Variants in DCDC2 observed in about 807,000 individuals in gnomAD.
DCDC2 encodes the protein doublecortin domain-containing protein 2.
Under a neutral mutation model 50.2 loss-of-function variants are expected in DCDC2, and 40 were observed. That is an observed-to-expected ratio of 0.80 (90% CI 0.62 to 1.04). The LOEUF is 1.04. Among genes scored for constraint, DCDC2 ranks in the 50% least tolerant of loss-of-function variants. The pLI is 0.00. For missense variants in DCDC2, 570 were observed against 581.9 expected, an observed-to-expected ratio of 0.98 and a Z score of 0.21; for synonymous variants, 234 against 210.6, an observed-to-expected ratio of 1.11 and a Z score of -0.96.
chr6:24,358,805 A>ATTT (rs1183774468), upstream of DCDC2, among the ~76,000 whole-genome samples: 13 of 48,424 alleles, frequency 2.7e-4, 1 homozygote, highest in African/African-American at 9.0e-4. Flanking sequence ...TATTTTATAT[A>ATTT]TTATATATAA....
rs143215171 is a variant in DCDC2, at chr6:24,306,216, A to C, written c.349-4172T>G. 1.0e-3 allele frequency among the ~76,000 whole-genome samples: 156 copies of C among 152,186 alleles called. 1 individual carries two copies. Among genetic ancestry groups the C allele is most frequent in the African/African-American group, 3.6e-3 (149 of 41,522 alleles). The stretch of plus-strand genomic sequence containing the variant: ...ACTGACCAGCGTGTAATCTGTGACT[A>C]CGAAACCAATCAAATGGTAAGTTAT... On this transcript the variant is annotated intron_variant, in intron 2 of 9. Transcript: ENST00000378454.
At chr6:24,244,144 T>A (rs1178799620) in intron 7 of DCDC2, among the ~76,000 whole-genome samples, 1 of 152,176 alleles carries the variant, frequency 6.6e-6, no homozygotes, top group Non-Finnish European at 1.5e-5. Flanking sequence ...CAGAAAATTC[T>A]CAATCTAGAA....
rs1422463735 is a variant in DCDC2, at chr6:24,174,785, C to G, written c.1376G>C (p.Ser459Thr). 1 of 1,613,578 alleles carries G rather than the reference C, an allele frequency of 6.2e-7. No homozygotes were observed. Among genetic ancestry groups the G allele is most frequent in the Non-Finnish European group, 8.5e-7 (1 of 1,179,814 alleles). ...RPPRPEVKIT[S>T]PEENENNQQN... ...TTGGTTGTTTTCATTTTCTTCTGGA[C>G]TGGTAATTTTTACTTCTGGCCTTGG... Residue 459 changes from serine (S) to threonine (T), a missense_variant, in exon 10 of 10, where the codon AGT becomes ACT. Coordinates refer to ENST00000378454, the MANE Select transcript of DCDC2 (RefSeq NM_016356.5).
chr6:24,179,525 G>A, intron 8 of DCDC2, among the ~76,000 whole-genome samples: 1 of 123,672 alleles, frequency 8.1e-6, no homozygotes, highest in Non-Finnish European at 1.6e-5. Flanking sequence ...TCCAGCCTGG[G>A]TGACAGAGCA....
At chr6:24,275,866 A>ATTTTTTTTT (rs10685261) in intron 7 of DCDC2, among the ~76,000 whole-genome samples, 3 of 108,118 alleles carry the variant, frequency 2.8e-5, no homozygotes, top group South Asian at 3.4e-4. Flanking sequence ...CAATAATTCA[A>ATTTTTTTTT]TTTTTTTTTT....
rs111362460 is a variant in DCDC2 at position 24,182,595 on chromosome 6, A to G, written c.1024-3963T>C. ...TAGGGAAATACAAATTAAAACTGCA[A>G]TAAGATACTACCTAACACCCATTAT... On this transcript the variant is annotated intron_variant, in intron 8 of 9. Coordinates refer to ENST00000378454, the MANE Select transcript of DCDC2 (RefSeq NM_016356.5). Among the ~76,000 whole-genome samples, 658 of 145,844 alleles carry G rather than the reference A, an allele frequency of 4.5e-3. 1 individual carries two copies. Among genetic ancestry groups the G allele is most frequent in the African/African-American group, 0.011 (438 of 39,516 alleles).
chr6:24,270,138 C>A (rs919013352), intron 7 of DCDC2, among the ~76,000 whole-genome samples: 2 of 152,128 alleles, frequency 1.3e-5, no homozygotes, highest in Non-Finnish European at 2.9e-5. Flanking sequence ...TGTCCCTCCA[C>A]CTCCCCTTTC....
chr6:24,314,981 A>G (rs1055955840), intron 2 of DCDC2, among the ~76,000 whole-genome samples: 1 of 152,156 alleles, frequency 6.6e-6, no homozygotes, highest in African/African-American at 2.4e-5. Context: ...TAATAGGACT[A>G]AAACCTAAAT....
chr6:24,227,244 G>A (rs1200823157), intron 7 of DCDC2, among the ~76,000 whole-genome samples: 1 of 152,204 alleles, frequency 6.6e-6, no homozygotes, highest in Non-Finnish European at 1.5e-5. Flanking sequence ...TGAGATGCCA[G>A]TTTTGTGACT....
At chr6:24,318,855 C>T (rs548194432) in intron 2 of DCDC2, among the ~76,000 whole-genome samples, 28 of 151,614 alleles carry the variant, frequency 1.8e-4, no homozygotes, top group African/African-American at 6.6e-4. Flanking sequence ...TAGGTTGAGT[C>T]CATATCTCTG....
intron 7 of DCDC2, among the ~76,000 whole-genome samples, chr6:24,222,873 C>T (rs1762149027): frequency 6.6e-6 from 1 of 152,170 alleles, no homozygotes; most frequent in African/African-American, 2.4e-5. Context: ...ATTATTATTT[C>T]CAATCATATT....
chr6:24,308,367 G>T (rs1224556250), intron 2 of DCDC2, among the ~76,000 whole-genome samples: 1 of 152,148 alleles, frequency 6.6e-6, no homozygotes, highest in Non-Finnish European at 1.5e-5. Flanking sequence ...AACTAAAACG[G>T]CAGCCCAGCC....
intron 2 of DCDC2, among the ~76,000 whole-genome samples, chr6:24,321,539 CT>C (rs926625182): frequency 3.3e-5 from 5 of 152,086 alleles, no homozygotes; most frequent in African/African-American, 1.2e-4. Flanking sequence ...CCCTCCCTTC[CT>C]TTTTATCAGA....
At chr6:24,367,958 GT>G in the DCDC2 span, among the ~76,000 whole-genome samples, 3 of 151,968 alleles carry the variant, frequency 2.0e-5, no homozygotes, top group East Asian at 3.9e-4. Context: ...ATGACCAAAG[GT>G]TTTTTTAAAA....
At chr6:24,272,607 G>GA (rs1329020811) in intron 7 of DCDC2, among the ~76,000 whole-genome samples, 2 of 152,030 alleles carry the variant, frequency 1.3e-5, no homozygotes, top group Non-Finnish European at 2.9e-5. Flanking sequence ...ACAAGCATTT[G>GA]AAAAAATGCT....
intron 7 of DCDC2, among the ~76,000 whole-genome samples, chr6:24,216,410 C>T (rs78434561): frequency 0.026 from 4,029 of 152,226 alleles, 93 homozygotes; most frequent in African/African-American, 0.059. Flanking sequence ...TAAAGTGTCC[C>T]GCCATTTGGG....
At chr6:24,201,407 G>C (rs1761584900) in intron 8 of DCDC2, among the ~76,000 whole-genome samples, 1 of 152,052 alleles carries the variant, frequency 6.6e-6, no homozygotes, top group Non-Finnish European at 1.5e-5. Flanking sequence ...ATGACTACTG[G>C]TACATAACGA....
At chr6:24,350,112 G>C (rs1270265262) in intron 2 of DCDC2, among the ~76,000 whole-genome samples, 1 of 152,110 alleles carries the variant, frequency 6.6e-6, no homozygotes, top group Non-Finnish European at 1.5e-5. Context: ...AAGAGGAAGA[G>C]GAATAGCATT....
chr6:24,189,292 T>TGA (rs1761267006), intron 8 of DCDC2, among the ~76,000 whole-genome samples: 1 of 152,164 alleles, frequency 6.6e-6, no homozygotes, highest in African/African-American at 2.4e-5. Flanking sequence ...TTCTAGAGAA[T>TGA]ATGCATGCAG....
Sources: allele counts gnomAD v4.1 joint callset (sites outside exome capture counted in the v4.1 genomes callset), GRCh38; gene constraint gnomAD v4.1.1; transcripts MANE v1.5; gene names NCBI Gene and HGNC (gene_info 2026-07-23, HGNC 2026-07-21).